The following MACROD2 variants were observed in gnomAD, a reference collection of about 807,000 sequenced individuals.
MACROD2 encodes the protein mono-ADP ribosylhydrolase 2.
In MACROD2, 36 loss-of-function variants were observed where a neutral mutation model predicts 70.4. The observed-to-expected ratio is 0.51, with a 90% CI of 0.39 to 0.68. The LOEUF (loss-of-function observed/expected upper bound fraction) is 0.68, where lower values mean the gene tolerates loss of function less well. Among genes scored for constraint, MACROD2 ranks in the 30% least tolerant of loss-of-function variants. The probability of loss-of-function intolerance (pLI) is 0.00; values close to 1 mark genes in which losing one functional copy is unlikely to be tolerated. For missense variants in MACROD2, 496 were observed against 538.4 expected (o/e 0.92, Z 0.78); for synonymous variants, 172 against 178.8 (o/e 0.96, Z 0.30).
intron 9 of MACROD2, among the ~76,000 whole-genome samples, chr20:15,866,716 G>GATGCC (rs1421475259): frequency 6.6e-6 from 1 of 152,116 alleles, no homozygotes; most frequent in African/African-American, 2.4e-5. Context: ...ATTTTTCAGA[G>GATGCC]ATGCCATGCT....
intron 13 of MACROD2, among the ~76,000 whole-genome samples, chr20:15,986,224 G>A (rs775832497): frequency 3.9e-5 from 6 of 152,080 alleles, no homozygotes; most frequent in Non-Finnish European, 5.9e-5. Context: ...AAAGCGATAC[G>A]GGAGGGTCTC....
intron 2 of MACROD2, among the ~76,000 whole-genome samples, chr20:14,019,654 G>A (rs1383309363): frequency 6.6e-6 from 1 of 152,024 alleles, no homozygotes; most frequent in Non-Finnish European, 1.5e-5. Context: ...TGAAATATAG[G>A]GGTGTGGAAA....
chr20:14,897,693 T>A (rs1342321246), intron 5 of MACROD2, among the ~76,000 whole-genome samples: 2 of 152,162 alleles, frequency 1.3e-5, no homozygotes, highest in Non-Finnish European at 1.5e-5. Context: ...CAAGCATGAA[T>A]CAGGTTCCAT....
At chr20:15,706,473 C>G (rs2050533841) in intron 8 of MACROD2, among the ~76,000 whole-genome samples, 1 of 152,100 alleles carries the variant, frequency 6.6e-6, no homozygotes, top group Non-Finnish European at 1.5e-5. Flanking sequence ...TTCCATGACT[C>G]TATAGGAGAA....
rs191677634 is a variant in MACROD2 at position 14,697,791 on chromosome 20, G to A, written c.418+12832G>A. Reference sequence around the variant, plus strand: ...AGGATGTATGTTTGGGAACAGTGGAGCTTTCGGTAGAGTCACAATGACAGC... The same window carrying A: ...AGGATGTATGTTTGGGAACAGTGGAACTTTCGGTAGAGTCACAATGACAGC... On this transcript the variant is annotated intron_variant, in intron 5 of 17. Transcript: ENST00000684519. 7.9e-3 allele frequency among the ~76,000 whole-genome samples: 1,208 copies of A among 152,310 alleles called. 35 individuals are homozygous for A. The highest frequency in any genetic ancestry group is 0.065 in the Admixed American group (989 of 15,296).
chr20:15,434,923 G>A (rs149529665), intron 7 of MACROD2, among the ~76,000 whole-genome samples: 18 of 152,264 alleles, frequency 1.2e-4, no homozygotes, highest in African/African-American at 3.9e-4. Context: ...CTTTAGAAAT[G>A]GGAAGTCAAG....
At chr20:15,512,096 T>G (rs1041535986) in intron 8 of MACROD2, among the ~76,000 whole-genome samples, 39 of 152,184 alleles carry the variant, frequency 2.6e-4, no homozygotes, top group Non-Finnish European at 1.5e-5. Context: ...TCTCAACCAG[T>G]TTACGACTGG....
chr20:14,077,133 C>G (rs1018707725), intron 2 of MACROD2, among the ~76,000 whole-genome samples: 1 of 145,944 alleles, frequency 6.9e-6, no homozygotes, highest in African/African-American at 2.6e-5. Context: ...TTTTTAAAAT[C>G]TTTTTAGTAA....
rs372801521 is a variant in MACROD2 at position 14,860,349 on chromosome 20, C to CT, written c.418+175397dup. Among the ~76,000 whole-genome samples the CT allele has an allele frequency of 5.2e-3, 773 of 149,884 alleles. 10 individuals carry two copies. Among genetic ancestry groups the CT allele is most frequent in the African/African-American group, 0.018 (744 of 40,520 alleles). On this transcript the variant is annotated intron_variant, in intron 5 of 17. Transcript: ENST00000684519. Reference sequence around the variant, plus strand: ...ATTTATGCAAAAGATTGAATCAATGCTTTTTTTGGATAAGCAAAGCAATCT... The same window carrying CT: ...ATTTATGCAAAAGATTGAATCAATGCTTTTTTTTGGATAAGCAAAGCAATCT...
At chr20:15,814,183 A>G (rs2063849212) in intron 8 of MACROD2, among the ~76,000 whole-genome samples, 1 of 152,184 alleles carries the variant, frequency 6.6e-6, no homozygotes, top group Non-Finnish European at 1.5e-5. Context: ...TTCACATTGG[A>G]CCTTAACACT....
At chr20:14,195,619 A>C (rs1337799973) in intron 3 of MACROD2, among the ~76,000 whole-genome samples, 1 of 151,880 alleles carries the variant, frequency 6.6e-6, no homozygotes, top group Non-Finnish European at 1.5e-5. Flanking sequence ...AAGCGACTGG[A>C]CATCAAGAAG....
chr20:14,955,439 C>A (rs193296783), intron 5 of MACROD2, among the ~76,000 whole-genome samples: 1 of 151,238 alleles, frequency 6.6e-6, no homozygotes, highest in African/African-American at 2.4e-5. Context: ...GGTCTACACA[C>A]CTCATTGCCC....
At chr20:15,190,846 G>T (rs977917544) in intron 5 of MACROD2, among the ~76,000 whole-genome samples, 14 of 152,092 alleles carry the variant, frequency 9.2e-5, no homozygotes, top group African/African-American at 3.1e-4. Context: ...CTTGCCCTGG[G>T]ATAATTATGG....
At chr20:14,663,071 T>C (rs1470093927) in intron 4 of MACROD2, among the ~76,000 whole-genome samples, 1 of 151,976 alleles carries the variant, frequency 6.6e-6, no homozygotes, top group Non-Finnish European at 1.5e-5. Context: ...AGCAAACACA[T>C]GGAATCAACC....
intron 6 of MACROD2, among the ~76,000 whole-genome samples, chr20:15,235,632 A>G (rs1288034211): frequency 6.6e-6 from 1 of 152,236 alleles, no homozygotes; most frequent in Non-Finnish European, 1.5e-5. Flanking sequence ...ATTTTCTTAT[A>G]CAAGTTCCCT....
At chr20:15,779,602 C>T (rs2051795227) in intron 8 of MACROD2, among the ~76,000 whole-genome samples, 1 of 152,126 alleles carries the variant, frequency 6.6e-6, no homozygotes, top group South Asian at 2.1e-4. Context: ...CAATGATAAT[C>T]TCCACCTCAC....
At chr20:14,942,713 A>G (rs1235205022) in intron 5 of MACROD2, among the ~76,000 whole-genome samples, 1 of 152,230 alleles carries the variant, frequency 6.6e-6, no homozygotes, top group Non-Finnish European at 1.5e-5. Flanking sequence ...GGCTTATGGT[A>G]TGCTCAGGCA....
intron 4 of MACROD2, among the ~76,000 whole-genome samples, chr20:14,528,354 A>G (rs2085260639): frequency 7.1e-6 from 1 of 141,094 alleles, no homozygotes; most frequent in African/African-American, 2.7e-5. Flanking sequence ...TGGTTTCTCC[A>G]TGTTGGTCAG....
chr20:14,786,866 A>G (rs2072380956), intron 5 of MACROD2, among the ~76,000 whole-genome samples: 1 of 152,076 alleles, frequency 6.6e-6, no homozygotes, highest in Non-Finnish European at 1.5e-5. Flanking sequence ...TGAGGCCTCC[A>G]AATACGTATA....
Sources: allele counts gnomAD v4.1 joint callset (sites outside exome capture counted in the v4.1 genomes callset), GRCh38; gene constraint gnomAD v4.1.1; transcripts MANE v1.5; gene names NCBI Gene and HGNC (gene_info 2026-07-23, HGNC 2026-07-21).